The following PLXNA2 variants were observed in gnomAD, a reference collection of about 807,000 sequenced individuals.
PLXNA2 encodes plexin A2.
A neutral mutation model predicts 193.5 loss-of-function variants in PLXNA2; 91 were observed. That is an observed-to-expected ratio of 0.47 (90% CI 0.40 to 0.56). PLXNA2 has a LOEUF of 0.56. Among genes scored for constraint, PLXNA2 ranks in the 20% least tolerant of loss-of-function variants. The pLI is 0.00. For missense variants in PLXNA2, 1,995 were observed against 2,503.2 expected (o/e 0.80, Z 4.33); for synonymous variants, 997 against 1,027.3 (o/e 0.97, Z 0.56).
In PLXNA2 at chr1:208,022,546, T is replaced by C. The variant is rs1664212782; in HGVS notation, c.*4697A>G. 1 of 152,626 alleles carries C rather than the reference T, an allele frequency of 6.6e-6. No homozygotes were observed. Among genetic ancestry groups the C allele is most frequent in the African/African-American group, 2.4e-5 (1 of 41,438 alleles). 9.5% of individuals were successfully genotyped at this position (152,626 alleles called of 1,614,324 possible). ...GAGGAGTGGGTTTGAGCAGGAAAAG[T>C]TGTGGGGAAAGGCAGGTGGGCTCCG... On this transcript the variant is annotated 3_prime_UTR_variant, in exon 32 of 32. Coordinates refer to ENST00000367033, the MANE Select transcript of PLXNA2 (RefSeq NM_025179.4).
chr1:208,068,987 C>T (rs2478817), intron 12 of PLXNA2, among the ~76,000 whole-genome samples: 144,513 of 152,272 alleles, frequency 0.95, 69,037 homozygotes, highest in Non-Finnish European at 1. Flanking sequence ...AGAAGGAAAA[C>T]AAGGGAAACA....
intron 9 of PLXNA2, among the ~76,000 whole-genome samples, chr1:208,090,550 C>A (rs915515700): frequency 5.3e-5 from 8 of 152,146 alleles, no homozygotes; most frequent in African/African-American, 1.9e-4. Flanking sequence ...AGGGGCTCAG[C>A]TCTCTGGCCT....
intron 22 of PLXNA2, among the ~76,000 whole-genome samples, chr1:208,040,677 T>C (rs1664835593): frequency 6.6e-6 from 1 of 152,230 alleles, no homozygotes; most frequent in Admixed American, 6.5e-5. Context: ...TTGTCAGGGT[T>C]GAATGAGTTA....
intron 3 of PLXNA2, among the ~76,000 whole-genome samples, chr1:208,196,059 G>C (rs1670347435): frequency 6.6e-6 from 1 of 152,116 alleles, no homozygotes; most frequent in Admixed American, 6.5e-5. Context: ...GATAACTGAA[G>C]GGGGCGAGTA....
intron 22 of PLXNA2, 65 bp downstream of exon 22, chr1:208,042,033 T>C (rs987394566): frequency 1.9e-6 from 3 of 1,542,544 alleles, no homozygotes; most frequent in Middle Eastern, 1.8e-4. Flanking sequence ...GGGCCTGCTA[T>C]AATGAGGTGC....
intron 3 of PLXNA2, among the ~76,000 whole-genome samples, chr1:208,192,624 T>C (rs966278770): frequency 1.3e-5 from 2 of 152,100 alleles, no homozygotes; most frequent in African/African-American, 2.4e-5. Flanking sequence ...CAGTGGCTCA[T>C]GCCTGTAATC....
chr1:208,049,747 C>G (rs908553430), intron 17 of PLXNA2, among the ~76,000 whole-genome samples: 2 of 152,160 alleles, frequency 1.3e-5, no homozygotes, highest in African/African-American at 4.8e-5. Flanking sequence ...ATCCCTGAGA[C>G]CTTTCTATAT....
At chr1:208,137,327 G>GCTTCCAT (rs1311726402) in intron 4 of PLXNA2, among the ~76,000 whole-genome samples, 11 of 152,254 alleles carry the variant, frequency 7.2e-5, no homozygotes, top group Admixed American at 7.2e-4. Flanking sequence ...TAGAATAATT[G>GCTTCCAT]CTTCCATCCC....
At chr1:208,096,242 T>C in intron 7 of PLXNA2, 117 bp from the exon 8 acceptor site, 3 of 781,452 alleles carry the variant, frequency 3.8e-6, no homozygotes, top group Non-Finnish European at 6.5e-6. Flanking sequence ...AGGATGTAGA[T>C]ACTATGTGGA....
At chr1:208,186,796 T>TTC (rs1670020390) in intron 3 of PLXNA2, among the ~76,000 whole-genome samples, 5 of 149,814 alleles carry the variant, frequency 3.3e-5, no homozygotes. Context: ...CTCGGCTCAC[T>TTC]GCAAGCTCCG....
chr1:208,120,482 T>C (rs1667773921), intron 4 of PLXNA2, among the ~76,000 whole-genome samples: 1 of 152,200 alleles, frequency 6.6e-6, no homozygotes, highest in Non-Finnish European at 1.5e-5. Flanking sequence ...TGGCTGCTAC[T>C]ACAGGCCCTG....
chr1:208,200,039 G>A (rs571053084), intron 3 of PLXNA2, among the ~76,000 whole-genome samples: 2 of 152,294 alleles, frequency 1.3e-5, no homozygotes, highest in South Asian at 2.1e-4. Context: ...ATTGTCAAGC[G>A]TGGGAATTCC....
chr1:208,045,838 GCT>G (rs1368320138), intron 18 of PLXNA2, 38 bp downstream of exon 18: 1 of 1,609,062 alleles, frequency 6.2e-7, no homozygotes, highest in African/African-American at 1.3e-5. Flanking sequence ...CTCTGGCATT[GCT>G]GCCCCTGGTG....
At chr1:208,165,581 G>A (rs574014201) in intron 3 of PLXNA2, among the ~76,000 whole-genome samples, 6 of 152,238 alleles carry the variant, frequency 3.9e-5, no homozygotes, top group African/African-American at 9.6e-5. Flanking sequence ...AAACAACAAC[G>A]GGGCAGCTTT....
intron 4 of PLXNA2, among the ~76,000 whole-genome samples, chr1:208,117,128 A>G (rs1297362712): frequency 1.3e-5 from 2 of 152,260 alleles, no homozygotes. Context: ...CCGGGATCAC[A>G]CCACTGCACT....
At chr1:208,030,676 A>T in intron 29 of PLXNA2, 4 of 985,398 alleles carry the variant, frequency 4.1e-6, no homozygotes, top group Non-Finnish European at 4.8e-6. Flanking sequence ...CCCAAATAAC[A>T]GCCTGGGCCC....
At position 208,076,655 on chromosome 1, in the gene PLXNA2, C is replaced by T. The variant is rs1174455806; in HGVS notation, c.2586+2605G>A. On this transcript the variant is annotated intron_variant, in intron 12 of 31. Transcript: ENST00000367033. ...AGGGACATTCTACAAAATAACTAGCCTGTACTTCTCAACAGTACCAAAGTC... is the reference window on the plus strand; with the variant it reads ...AGGGACATTCTACAAAATAACTAGCTTGTACTTCTCAACAGTACCAAAGTC... Among the ~76,000 whole-genome samples, 6 of 152,150 alleles carry T rather than the reference C, an allele frequency of 3.9e-5. 1 individual carries two copies. The highest frequency in any genetic ancestry group is 8.8e-5 in the Non-Finnish European group (6 of 68,032).
In PLXNA2 at chr1:208,129,468, C is replaced by T. The variant is rs113145374; in HGVS notation, c.1506+12861G>A. 8.8e-3 allele frequency among the ~76,000 whole-genome samples: 1,348 copies of T among 152,320 alleles called. 27 individuals carry two copies. The highest frequency in any genetic ancestry group is 0.031 in the African/African-American group (1,306 of 41,556). On this transcript the variant is annotated intron_variant, in intron 4 of 31. Coordinates refer to ENST00000367033, the MANE Select transcript of PLXNA2 (RefSeq NM_025179.4). ...TTGAGCCCCCCTGAAGGCTGCTCAC[C>T]TGCATGCTGCAGAAATTCTGTGAGG...
chr1:208,028,615 A>G lies in PLXNA2; in HGVS notation c.5438+215T>C, dbSNP rs1664408107. On this transcript the variant is annotated intron_variant, in intron 30 of 31. Transcript: ENST00000367033. The surrounding 1 kb of genome is among the most constrained non-coding windows in gnomAD (Gnocchi z 4.2). ...TATCAGAATGCTGAATGCTTAGCAC[A>G]TGCTCAATGAATAGTAATTAGGATG... 6.6e-6 allele frequency among the ~76,000 whole-genome samples: 1 copy of G among 152,230 alleles called. No homozygotes were observed. The highest frequency in any genetic ancestry group is 1.5e-5 in the Non-Finnish European group (1 of 68,046).
Sources: gnomAD v4.1 joint callset for allele counts (sites outside exome capture counted in the v4.1 genomes callset) on GRCh38, gnomAD v4.1.1 for gene constraint, Gnocchi (gnomAD v3.1) non-coding constraint, MANE v1.5 for transcripts, NCBI Gene and HGNC (gene_info 2026-07-23, HGNC 2026-07-21) for gene names.